Variants in SLC4A8 observed in about 807,000 individuals in gnomAD.
The protein encoded by SLC4A8 is solute carrier family 4 member 8.
SLC4A8 carries 40 observed loss-of-function variants against 125.0 expected under a neutral mutation model. The observed-to-expected ratio is 0.32, with a 90% CI of 0.25 to 0.42. SLC4A8 has a LOEUF of 0.42. Among genes scored for constraint, SLC4A8 ranks in the 10% least tolerant of loss-of-function variants. SLC4A8 has a pLI of 1.00. For synonymous variants in SLC4A8, 456 were observed against 476.0 expected (o/e 0.96, Z 0.55); for missense variants, 863 against 1,355.1 (o/e 0.64, Z 5.70).
intron 1 of SLC4A8, among the ~76,000 whole-genome samples, chr12:51,431,678 G>A (rs1263222735): frequency 1.3e-5 from 2 of 152,082 alleles, no homozygotes; most frequent in Admixed American, 6.5e-5. Context: ...TTGGGGACCC[G>A]TGGGTCAGAT....
At chr12:51,455,362 A>C (rs1051236751) in intron 5 of SLC4A8, among the ~76,000 whole-genome samples, 1 of 152,126 alleles carries the variant, frequency 6.6e-6, no homozygotes, top group African/African-American at 2.4e-5. Context: ...AATAACAATT[A>C]AAAAAAGTGC....
At chr12:51,425,581 G>A (rs766349915) in intron 1 of SLC4A8, among the ~76,000 whole-genome samples, 4 of 152,172 alleles carry the variant, frequency 2.6e-5, no homozygotes, top group Admixed American at 6.5e-5. Context: ...AAACTTCTGG[G>A]TAGGGACTGC....
chr12:51,506,064 A>G (rs1358144026), intron 24 of SLC4A8, 134 bp downstream of exon 24: 4 of 594,402 alleles, frequency 6.7e-6, no homozygotes, highest in Non-Finnish European at 1.2e-5. Flanking sequence ...GCCGCTAACC[A>G]CATAAGAATA....
chr12:51,463,410 GGTGTGTGTGTGTGT>G (rs71731491), intron 10 of SLC4A8, among the ~76,000 whole-genome samples, 190 bp from the exon 11 acceptor site: 12 of 144,120 alleles, frequency 8.3e-5, no homozygotes, highest in South Asian at 4.5e-4. Flanking sequence ...GAAATTATGG[GGTGTGTGTGTGTGT>G]GTGTGTGTGT....
At chr12:51,438,720 C>T (rs181186057) in intron 1 of SLC4A8, among the ~76,000 whole-genome samples, 270 of 152,274 alleles carry the variant, frequency 1.8e-3, no homozygotes, top group South Asian at 4.1e-3. Flanking sequence ...TCCACAGTGG[C>T]TGTACTAGTT....
At chr12:51,501,288 T>C (rs1157407481) in intron 22 of SLC4A8, among the ~76,000 whole-genome samples, 3 of 152,230 alleles carry the variant, frequency 2.0e-5, no homozygotes, top group Admixed American at 2.0e-4. Context: ...ACCCCATAGG[T>C]AGTTTTCCAA....
intron 2 of SLC4A8, among the ~76,000 whole-genome samples, chr12:51,446,611 A>T (rs1384442681): frequency 1.3e-5 from 2 of 152,202 alleles, no homozygotes; most frequent in Non-Finnish European, 2.9e-5. Context: ...AGTCTTCCTG[A>T]TGAAGCTCTC....
At chr12:51,461,683 A>G in intron 9 of SLC4A8, 1 of 207,574 alleles carries the variant, frequency 4.8e-6, no homozygotes, top group African/African-American at 2.4e-5. Context: ...GTATAAGGTC[A>G]TGGGTGTGAC....
In SLC4A8 at chr12:51,461,241, C is replaced by A; in HGVS notation, c.1051C>A (p.Gln351Lys). Residue 351 changes from glutamine (Q) to lysine (K), a missense_variant, in exon 9 of 25, where the codon CAG becomes AAG. Transcript: ENST00000453097. The stretch of plus-strand genomic sequence containing the variant: ...CTTATTGGGTCCAGTAGGGAAAGGT[C>A]AGCAGTACCATGAGATTGGCAGATC... The part of the protein sequence containing the change: ...FILLGPVGKG[Q>K]QYHEIGRSMA... 1 of 1,612,992 alleles carries A rather than the reference C, an allele frequency of 6.2e-7. No individual in the cohort carries two copies. Among genetic ancestry groups the A allele is most frequent in the South Asian group, 1.1e-5 (1 of 91,024 alleles).
At chr12:51,481,751 T>C (rs1951033077) in intron 16 of SLC4A8, among the ~76,000 whole-genome samples, 1 of 151,746 alleles carries the variant, frequency 6.6e-6, no homozygotes, top group Non-Finnish European at 1.5e-5. Context: ...GAGACCAGCC[T>C]GGGCAACATG....
At chr12:51,474,815 A>G (rs1950813200) in intron 15 of SLC4A8, among the ~76,000 whole-genome samples, 1 of 152,116 alleles carries the variant, frequency 6.6e-6, no homozygotes, top group Non-Finnish European at 1.5e-5. Context: ...AGAGCCTTGG[A>G]AGTAGTATTG....
At chr12:51,462,597 TA>T (rs1294159125) in intron 10 of SLC4A8, 141 bp downstream of exon 10, 65 of 629,220 alleles carry the variant, frequency 1.0e-4, no homozygotes, top group Non-Finnish European at 1.4e-4. Flanking sequence ...AAAACAATAA[TA>T]AAAATGAATC....
At chr12:51,459,897 C>A in intron 7 of SLC4A8, 54 bp from the exon 8 acceptor site, 1 of 1,471,636 alleles carries the variant, frequency 6.8e-7, no homozygotes, top group Non-Finnish European at 9.3e-7. Context: ...AATTTAAAAA[C>A]GATATTTAAG....
Position 51,509,535 on chromosome 12 carries a change from C to G in SLC4A8, c.*2097C>G, listed in dbSNP as rs949434304. ...CTGAGAACATCTCCCCTTTCTTGCT[C>G]TATCTTGCCCCTCCCATCTTTTCCT... On this transcript the variant is annotated 3_prime_UTR_variant, in exon 25 of 25. Coordinates refer to ENST00000453097, the MANE Select transcript of SLC4A8 (RefSeq NM_001039960.3). 2 of 152,280 alleles carry G rather than the reference C, an allele frequency of 1.3e-5. No homozygotes were observed. The highest frequency in any genetic ancestry group is 2.9e-5 in the Non-Finnish European group (2 of 68,072). 9.4% of individuals were successfully genotyped at this position (152,280 alleles called of 1,614,324 possible). A position where few individuals can be genotyped will look rare whatever the true frequency, so the allele number is the denominator to read the frequency against.
At chr12:51,418,971 C>T (rs557744314) in intron 1 of SLC4A8, among the ~76,000 whole-genome samples, 3 of 152,228 alleles carry the variant, frequency 2.0e-5, no homozygotes, top group Admixed American at 6.5e-5. Context: ...ATGGGAAAGG[C>T]TAAACAGAGG....
intron 15 of SLC4A8, 72 bp downstream of exon 15, chr12:51,474,519 A>G: frequency 6.5e-7 from 1 of 1,549,784 alleles, no homozygotes; most frequent in South Asian, 1.2e-5. Flanking sequence ...AGTGAAGGGG[A>G]GGAGTAGCCC....
At chr12:51,430,522 A>G (rs1312946025) in intron 1 of SLC4A8, among the ~76,000 whole-genome samples, 3 of 152,034 alleles carry the variant, frequency 2.0e-5, no homozygotes, top group Non-Finnish European at 4.4e-5. Context: ...TATTCTTTCC[A>G]TGTGAGAGAA....
At position 51,504,117 on chromosome 12, in the gene SLC4A8, G is replaced by T. The variant is rs867645417; in HGVS notation, c.3170G>T (p.Cys1057Phe). 2 of 1,559,170 alleles carry T rather than the reference G, an allele frequency of 1.3e-6. No individual in the cohort carries two copies. Among genetic ancestry groups the T allele is most frequent in the Non-Finnish European group, 1.7e-6 (2 of 1,144,722 alleles). ...LLSSPGKNISCRCDPSEINIS... is the reference protein window; with the variant it reads ...LLSSPGKNISFRCDPSEINIS... ...AGTAGTCCTGGAAAGAACATCAGTTGCAGGTAAAACTTCCAAACACCAAGG... is the reference window on the plus strand; with the variant it reads ...AGTAGTCCTGGAAAGAACATCAGTTTCAGGTAAAACTTCCAAACACCAAGG... Residue 1057 changes from cysteine to phenylalanine, a missense_variant, in exon 23 of 25, where the codon TGC (cysteine) becomes TTC (phenylalanine). By Grantham distance (205) the Cys-to-Phe change is radical (BLOSUM62 -2). Transcript: ENST00000453097.
intron 1 of SLC4A8, among the ~76,000 whole-genome samples, chr12:51,392,571 C>CA (rs35992841): frequency 0.44 from 51,935 of 119,080 alleles, 11,518 homozygotes; most frequent in Non-Finnish European, 0.45. Flanking sequence ...GATTCCGTAT[C>CA]AAAAAAAAAA....
Sources: allele counts gnomAD v4.1 joint callset (sites outside exome capture counted in the v4.1 genomes callset), GRCh38; gene constraint gnomAD v4.1.1; transcripts MANE v1.5; gene names NCBI Gene and HGNC (gene_info 2026-07-23, HGNC 2026-07-21).